The following TMEM161B variants were observed in gnomAD, a reference collection of about 807,000 sequenced individuals.
TMEM161B encodes the protein transmembrane protein 161B.
A neutral mutation model predicts 61.8 loss-of-function variants in TMEM161B; 34 were observed. That is an observed-to-expected ratio of 0.55 (90% CI 0.42 to 0.73). The LOEUF (loss-of-function observed/expected upper bound fraction) is 0.73, where lower values mean the gene tolerates loss of function less well. Among genes scored for constraint, TMEM161B ranks in the 30% least tolerant of loss-of-function variants. TMEM161B has a pLI of 0.00. For synonymous variants in TMEM161B, 167 were observed against 192.8 expected (o/e 0.87, Z 1.11); for missense variants, 456 against 558.5 (o/e 0.82, Z 1.85).
chr5:88,190,346 C>T, downstream of TMEM161B: 1 of 680,346 alleles, frequency 1.5e-6, no homozygotes, highest in Middle Eastern at 3.8e-4. Context: ...AACAACTTTC[C>T]AAGTGACTCC....
chr5:88,191,411 T>G (rs942457883), downstream of TMEM161B, among the ~76,000 whole-genome samples: 86 of 152,158 alleles, frequency 5.7e-4, no homozygotes, highest in Non-Finnish European at 2.6e-4. Context: ...GGGAAGAGAT[T>G]TTGCTGTTTT....
chr5:88,191,979 A>AAAGT (rs1170885093), downstream of TMEM161B, among the ~76,000 whole-genome samples: 2 of 42,230 alleles, frequency 4.7e-5, no homozygotes, highest in African/African-American at 1.7e-4. Context: ...AAAAAAAAAA[A>AAAGT]GTGTATATAT....
downstream of TMEM161B, among the ~76,000 whole-genome samples, chr5:88,188,041 CTCTT>C (rs971009443): frequency 4.1e-4 from 62 of 152,122 alleles, no homozygotes; most frequent in African/African-American, 1.4e-3. Flanking sequence ...AAATTTTGTT[CTCTT>C]TCTTATCATT....
downstream of TMEM161B, among the ~76,000 whole-genome samples, chr5:88,192,562 T>C (rs1749062419): frequency 2.0e-5 from 3 of 152,218 alleles, no homozygotes; most frequent in Admixed American, 1.3e-4. Flanking sequence ...AGCTCAGCTC[T>C]AAACCCAAGG....
chr5:88,225,259 G>A (rs551323569), intron 4 of TMEM161B, among the ~76,000 whole-genome samples: 46 of 152,108 alleles, frequency 3.0e-4, no homozygotes, highest in African/African-American at 9.2e-4. Context: ...GAGCCACCGC[G>A]CCCAGCCAAA....
chr5:88,198,990 C>T lies in TMEM161B; in HGVS notation c.1075G>A (p.Glu359Lys), dbSNP rs1414958633. 3.7e-6 allele frequency: 6 copies of T among 1,611,522 alleles called. No homozygotes were observed. Among genetic ancestry groups the T allele is most frequent in the Admixed American group, 3.3e-5 (2 of 59,762 alleles). Residue 359 changes from glutamate to lysine, a missense_variant, in exon 10 of 12, where the codon GAG becomes AAG. By Grantham distance (56) the Glu-to-Lys change is moderately conservative (BLOSUM62 1). Transcript: ENST00000296595. ...KKEAGRISTV[E>K]LQKMVARVFY... ...ATAAAACTTACCATTTTCTGTAGCT[C>T]AACCGTGCTTATTCGCCCCGCTTCT...
intron 5 of TMEM161B, among the ~76,000 whole-genome samples, chr5:88,212,302 G>C (rs556600244): frequency 6.6e-6 from 1 of 152,106 alleles, no homozygotes; most frequent in African/African-American, 2.4e-5. Flanking sequence ...TTAGCAGAAA[G>C]CGCCACCAAA....
chr5:88,253,504 A>G (rs2112735797), intron 1 of TMEM161B, among the ~76,000 whole-genome samples: 1 of 152,296 alleles, frequency 6.6e-6, no homozygotes, highest in Non-Finnish European at 1.5e-5. Context: ...AGGCAGTTAT[A>G]CCTACCCGTA....
intron 7 of TMEM161B, among the ~76,000 whole-genome samples, 186 bp from the exon 8 acceptor site, chr5:88,206,140 C>G (rs1254849096): frequency 5.3e-5 from 8 of 152,060 alleles, no homozygotes; most frequent in African/African-American, 1.9e-4. Context: ...AATGAGGCAT[C>G]TCTTTAGTCA....
At chr5:88,252,525 G>C (rs1442709765) in intron 1 of TMEM161B, among the ~76,000 whole-genome samples, 1 of 152,148 alleles carries the variant, frequency 6.6e-6, no homozygotes, top group Non-Finnish European at 1.5e-5. Context: ...ATCTACTTCA[G>C]AAGAAAATCA....
In TMEM161B at chr5:88,259,695, TA is replaced by T. The variant is rs560816116; in HGVS notation, c.3+9025del. On this transcript the variant is annotated intron_variant, in intron 1 of 11. Transcript: ENST00000296595. ...GTGGCAGATGTGTTTGACACCTAGT[TA>T]AAAATGTCAATCAGTACTGCTATGC... is the stretch of plus-strand genomic sequence containing the variant. Among the ~76,000 whole-genome samples, 19 of 152,320 alleles carry T rather than the reference TA, an allele frequency of 1.2e-4. No homozygotes were observed. In the South Asian group the frequency reaches 3.9e-3, roughly 32 times the overall value.
intron 5 of TMEM161B, among the ~76,000 whole-genome samples, chr5:88,219,926 G>A (rs1561350957): frequency 6.6e-6 from 1 of 151,974 alleles, no homozygotes; most frequent in Non-Finnish European, 1.5e-5. Flanking sequence ...AGTGAAGAAA[G>A]TCACAGGATA....
At position 88,215,842 on chromosome 5, in the gene TMEM161B, C is replaced by T. The variant is rs1314322977; in HGVS notation, c.446+4721G>A. Among the ~76,000 whole-genome samples the T allele has an allele frequency of 2.6e-5, 4 of 152,104 alleles. No homozygotes were observed. In the East Asian group the frequency reaches 7.7e-4, roughly 29 times the overall value. ...AATAGCTATTAAAAAGTATATTTTT[C>T]TAATTTCTCTGGTACATATGTATCA... On this transcript the variant is annotated intron_variant, in intron 5 of 11. Coordinates refer to ENST00000296595, the MANE Select transcript of TMEM161B (RefSeq NM_153354.5).
chr5:88,220,486 T>C, intron 5 of TMEM161B, 77 bp downstream of exon 5: 2 of 1,195,576 alleles, frequency 1.7e-6, no homozygotes, highest in Non-Finnish European at 2.2e-6. Flanking sequence ...TGACATAAAA[T>C]CTTTCTCAAA....
At chr5:88,264,049 C>T (rs1191781209) in intron 1 of TMEM161B, among the ~76,000 whole-genome samples, 1 of 152,042 alleles carries the variant, frequency 6.6e-6, no homozygotes, top group Non-Finnish European at 1.5e-5. Context: ...AAAAGGACCT[C>T]CAGTATCTCC....
intron 4 of TMEM161B, among the ~76,000 whole-genome samples, chr5:88,225,339 G>A (rs894249080): frequency 6.6e-6 from 1 of 152,032 alleles, no homozygotes; most frequent in Admixed American, 6.6e-5. Flanking sequence ...GTTAGGTTAT[G>A]GGGGGTAAAA....
chr5:88,192,014 A>ATATATATATATATATGTATATATATATG (rs1748988558), downstream of TMEM161B, among the ~76,000 whole-genome samples: 1 of 93,788 alleles, frequency 1.1e-5, no homozygotes, highest in African/African-American at 4.5e-5. Context: ...ATATATATAT[A>ATATATATATATATATGTATATATATATG]TATATATATA....
chr5:88,239,104 C>G (rs1228068594), intron 2 of TMEM161B, among the ~76,000 whole-genome samples: 1 of 151,954 alleles, frequency 6.6e-6, no homozygotes, highest in East Asian at 1.9e-4. Flanking sequence ...ACGACACATT[C>G]TGATCAGAAA....
chr5:88,248,940 C>T (rs1753976335), intron 1 of TMEM161B, among the ~76,000 whole-genome samples: 1 of 151,828 alleles, frequency 6.6e-6, no homozygotes, highest in Admixed American at 6.6e-5. Context: ...CTTTTTTTTC[C>T]CCAGTAAGCC....
Sources: allele counts gnomAD v4.1 joint callset (sites outside exome capture counted in the v4.1 genomes callset), GRCh38; gene constraint gnomAD v4.1.1; transcripts MANE v1.5; gene names NCBI Gene and HGNC (gene_info 2026-07-23, HGNC 2026-07-21).